Variants in SCEL observed in about 807,000 individuals in gnomAD.
SCEL encodes sciellin.
In SCEL, 113 loss-of-function variants were observed where a neutral mutation model predicts 117.6. The observed-to-expected ratio is 0.96, with a 90% CI of 0.83 to 1.12. The LOEUF is 1.12. Among genes scored for constraint, SCEL ranks in the 50% most tolerant of loss-of-function variants. The pLI, the probability that SCEL is intolerant of heterozygous loss-of-function variation, is 0.00. For synonymous variants in SCEL, 270 were observed against 256.2 expected, an observed-to-expected ratio of 1.05 and a Z score of -0.51; for missense variants, 785 against 810.8, an observed-to-expected ratio of 0.97 and a Z score of 0.39.
chr13:77,632,917 A>G (rs1037764183), intron 28 of SCEL, among the ~76,000 whole-genome samples: 3 of 152,242 alleles, frequency 2.0e-5, no homozygotes, highest in African/African-American at 4.8e-5. Context: ...TTTTCATTCA[A>G]TTGATAAATT....
At chr13:77,589,494 A>T (rs1418259988) in intron 10 of SCEL, among the ~76,000 whole-genome samples, 1 of 152,214 alleles carries the variant, frequency 6.6e-6, no homozygotes, top group Non-Finnish European at 1.5e-5. Flanking sequence ...TTGTACACAG[A>T]CTTTTTATAT....
At chr13:77,605,068 T>G (rs1352175326) in intron 19 of SCEL, among the ~76,000 whole-genome samples, 2 of 152,224 alleles carry the variant, frequency 1.3e-5, no homozygotes, top group African/African-American at 4.8e-5. Context: ...GGAGAGCTTA[T>G]GTCTTCTTGC....
rs746618605 is a variant in SCEL at position 77,571,991 on chromosome 13, T to C, written c.480-133T>C. 3.4e-5 allele frequency: 24 copies of C among 713,344 alleles called. 1 individual carries two copies. The highest frequency in any genetic ancestry group is 9.4e-5 in the South Asian group (6 of 63,782). The allele number at this position is 713,344 out of a possible 1,614,324, so 44.2% of individuals were successfully genotyped here. ...GGACAGTTACTTCCTACTTCATTTATGAAATAGTGTTCATTTTACTTCCAA... is the reference window on the plus strand; with the variant it reads ...GGACAGTTACTTCCTACTTCATTTACGAAATAGTGTTCATTTTACTTCCAA... On this transcript the variant is annotated intron_variant, in intron 8 of 32. Transcript: ENST00000349847.
chr13:77,569,214 A>C (rs770681783), intron 7 of SCEL, among the ~76,000 whole-genome samples, 157 bp from the exon 8 acceptor site: 3 of 152,214 alleles, frequency 2.0e-5, no homozygotes, highest in Non-Finnish European at 2.9e-5. Context: ...TATGTCAACT[A>C]AGGAAGAAGA....
At chr13:77,589,954 C>G (rs1002417929) in intron 10 of SCEL, among the ~76,000 whole-genome samples, 1 of 152,090 alleles carries the variant, frequency 6.6e-6, no homozygotes, top group African/African-American at 2.4e-5. Context: ...ATGTACACCC[C>G]ACATTTCCAT....
chr13:77,582,852 G>A (rs1252665268), intron 9 of SCEL, among the ~76,000 whole-genome samples: 3 of 151,980 alleles, frequency 2.0e-5, no homozygotes, highest in Non-Finnish European at 4.4e-5. Context: ...GTAGTTTTAT[G>A]TTTGACATAT....
At chr13:77,610,490 A>G (rs574311012) in intron 22 of SCEL, among the ~76,000 whole-genome samples, 3 of 151,734 alleles carry the variant, frequency 2.0e-5, no homozygotes, top group African/African-American at 7.3e-5. Flanking sequence ...TTGTCCCGCC[A>G]TAGAGACAAC....
Position 77,563,888 on chromosome 13 carries a change from C to T in SCEL, c.279C>T (p.Asp93=). ...CAATTAGTCGGTACAGTTCTGATGACACTTTGGACAGGTAAGGGGCTTTTG... is the reference window on the plus strand; with the variant it reads ...CAATTAGTCGGTACAGTTCTGATGATACTTTGGACAGGTAAGGGGCTTTTG... ...KATISRYSSD[D]TLDRISDRND... The change falls in exon 5 of 33, where the codon GAC becomes GAT. Residue 93 remains aspartate (D), a synonymous_variant. Transcript: ENST00000349847. 2 of 1,591,302 alleles carry T rather than the reference C, an allele frequency of 1.3e-6. No individual in the cohort carries two copies. Among genetic ancestry groups the T allele is most frequent in the Non-Finnish European group, 1.7e-6 (2 of 1,171,534 alleles).
At chr13:77,559,937 C>A in intron 4 of SCEL, 74 bp downstream of exon 4, 1 of 1,268,968 alleles carries the variant, frequency 7.9e-7, no homozygotes, top group Non-Finnish European at 1.1e-6. Context: ...TTGTTCAAGA[C>A]AGCTGAATAT....
chr13:77,608,426 C>T (rs527317458), intron 20 of SCEL, among the ~76,000 whole-genome samples: 8 of 152,098 alleles, frequency 5.3e-5, no homozygotes, highest in African/African-American at 1.4e-4. Flanking sequence ...ATAGTGAAAC[C>T]GTGTCTCTAT....
At chr13:77,545,230 A>G (rs1362644241) in intron 1 of SCEL, among the ~76,000 whole-genome samples, 1 of 152,236 alleles carries the variant, frequency 6.6e-6, no homozygotes, top group Non-Finnish European at 1.5e-5. Context: ...AGAAGCTAAA[A>G]ACTTAATTGG....
At chr13:77,546,125 G>C (rs1434466902) in intron 1 of SCEL, among the ~76,000 whole-genome samples, 3 of 152,300 alleles carry the variant, frequency 2.0e-5, no homozygotes, top group Admixed American at 6.5e-5. Flanking sequence ...GCCACTTCTG[G>C]CTGCAGTGTG....
At chr13:77,614,064 T>C (rs1191615735) in intron 24 of SCEL, 109 bp downstream of exon 24, 2 of 926,518 alleles carry the variant, frequency 2.2e-6, no homozygotes, top group Non-Finnish European at 3.4e-6. Flanking sequence ...TCTCAAAATA[T>C]CATCACAGGT....
intron 13 of SCEL, among the ~76,000 whole-genome samples, chr13:77,598,332 G>C (rs2087387275): frequency 6.6e-6 from 1 of 152,186 alleles, no homozygotes; most frequent in South Asian, 2.1e-4. Flanking sequence ...AAGAGAAGGA[G>C]AAAACAGGGA....
intron 30 of SCEL, among the ~76,000 whole-genome samples, chr13:77,638,411 A>G (rs2090405728): frequency 1.3e-5 from 2 of 152,210 alleles, no homozygotes. Flanking sequence ...CAATGCTTCA[A>G]AAAGATCTTT....
intron 9 of SCEL, among the ~76,000 whole-genome samples, chr13:77,577,178 C>T (rs1386296102): frequency 6.6e-6 from 1 of 152,152 alleles, no homozygotes; most frequent in Non-Finnish European, 1.5e-5. Flanking sequence ...ACTCTCTTGA[C>T]TAGAACTGGT....
chr13:77,599,893 T>A, intron 15 of SCEL, 145 bp downstream of exon 15: 1 of 613,812 alleles, frequency 1.6e-6, no homozygotes, highest in Non-Finnish European at 2.9e-6. Flanking sequence ...TGTATCTTGG[T>A]GCTGGTTTTG....
chr13:77,597,283 A>G lies in SCEL; in HGVS notation c.753-262A>G, dbSNP rs954538859. Among the ~76,000 whole-genome samples the G allele has an allele frequency of 2.6e-5, 4 of 151,996 alleles. No homozygotes were observed. The South Asian group carries it at 8.3e-4, about 31-fold the overall frequency. On this transcript the variant is annotated intron_variant, in intron 12 of 32. Transcript: ENST00000349847. ...TGGCTATAACTCAAAGTATAGTCAC[A>G]GAACTGTCATAAAGCAGGTGCAGAA...
At chr13:77,617,190 A>G (rs1461330030) in intron 24 of SCEL, among the ~76,000 whole-genome samples, 1 of 152,156 alleles carries the variant, frequency 6.6e-6, no homozygotes, top group Non-Finnish European at 1.5e-5. Context: ...GTCTTTGCTA[A>G]GCTTTATATG....
Sources: allele counts gnomAD v4.1 joint callset (sites outside exome capture counted in the v4.1 genomes callset), GRCh38; gene constraint gnomAD v4.1.1; transcripts MANE v1.5; gene names NCBI Gene and HGNC (gene_info 2026-07-23, HGNC 2026-07-21).